KNTC1: variants seen among roughly 807,000 people sequenced by gnomAD.
KNTC1 encodes the protein kinetochore associated 1.
Under a neutral mutation model 314.4 loss-of-function variants are expected in KNTC1, and 253 were observed. The ratio of observed to expected loss-of-function variants is 0.80; its 90% confidence interval spans 0.73 to 0.89. KNTC1 has a LOEUF of 0.89. Among genes scored for constraint, KNTC1 ranks in the 40% least tolerant of loss-of-function variants. The pLI, the probability that KNTC1 is intolerant of heterozygous loss-of-function variation, is 0.00. For synonymous variants in KNTC1, 901 were observed against 901.4 expected, an observed-to-expected ratio of 1.00 and a Z score of 0.01; for missense variants, 2,475 against 2,572.9, an observed-to-expected ratio of 0.96 and a Z score of 0.82.
Position 122,589,592 on chromosome 12 carries a change from C to T in KNTC1, c.3999+776C>T, listed in dbSNP as rs1869862513. Among the ~76,000 whole-genome samples the T allele has an allele frequency of 1.3e-5, 2 of 151,388 alleles. 1 individual carries two copies. The highest frequency in any genetic ancestry group is 4.2e-4 in the South Asian group (2 of 4,806). On this transcript the variant is annotated intron_variant, in intron 40 of 63. Coordinates refer to ENST00000333479, the MANE Select transcript of KNTC1 (RefSeq NM_014708.6). ...CTCAAGCAACCCTCCTGCTGCTCAG[C>T]CTCCTGAGTATCTGGGGCTGCTGGT...
At chr12:122,574,500 G>A (rs542877185) in intron 27 of KNTC1, 120 bp downstream of exon 27, 144 of 621,570 alleles carry the variant, frequency 2.3e-4, no homozygotes, top group Non-Finnish European at 3.4e-4. Flanking sequence ...TGGCTGTGTC[G>A]CCCAGGCTGG....
chr12:122,533,676 G>T (rs1180935103), intron 2 of KNTC1, among the ~76,000 whole-genome samples: 1 of 152,132 alleles, frequency 6.6e-6, no homozygotes, highest in African/African-American at 2.4e-5. Context: ...CAACCTGAGC[G>T]ACAGAGGGAG....
chr12:122,592,045 C>T (rs1024839341), intron 42 of KNTC1, among the ~76,000 whole-genome samples: 9 of 152,288 alleles, frequency 5.9e-5, no homozygotes, highest in Admixed American at 3.3e-4. Flanking sequence ...AGCAGGAACC[C>T]GGGCTGCGCA....
rs533736858 is a variant in KNTC1, at chr12:122,555,987, G to C, written c.1273-1397G>C. Among the ~76,000 whole-genome samples, 3 of 151,902 alleles carry C rather than the reference G, an allele frequency of 2.0e-5. No individual in the cohort carries two copies. In the East Asian group the frequency reaches 5.8e-4, roughly 29 times the overall value. The stretch of plus-strand genomic sequence containing the variant: ...TATCACCTCACTTATCTTTTTTTGT[G>C]GTGAGAACATTTAAAACCTACTCTT... On this transcript the variant is annotated intron_variant, in intron 16 of 63. Coordinates refer to ENST00000333479, the MANE Select transcript of KNTC1 (RefSeq NM_014708.6).
chr12:122,598,554 G>A (rs1472266403), intron 44 of KNTC1, among the ~76,000 whole-genome samples: 3 of 150,104 alleles, frequency 2.0e-5, no homozygotes, highest in African/African-American at 7.4e-5. Flanking sequence ...CCGAATAGCT[G>A]GAATTACAGG....
At chr12:122,557,940 T>G (rs778069466) in intron 18 of KNTC1, among the ~76,000 whole-genome samples, 1 of 152,176 alleles carries the variant, frequency 6.6e-6, no homozygotes, top group Non-Finnish European at 1.5e-5. Context: ...TTAGAACTTT[T>G]AAATCTCCCC....
intron 27 of KNTC1, 136 bp from the exon 28 acceptor site, chr12:122,575,407 G>A (rs1379365647): frequency 3.1e-6 from 2 of 638,256 alleles, no homozygotes; most frequent in Non-Finnish European, 5.6e-6. Context: ...GAAATAAATG[G>A]TTTTCCAGTG....
rs780831509 is a variant in KNTC1 at position 122,572,925 on chromosome 12, CT to C, written c.2020-8del. 3 of 1,526,858 alleles carry C rather than the reference CT, an allele frequency of 2.0e-6. No individual in the cohort carries two copies. Among genetic ancestry groups the C allele is most frequent in the Admixed American group, 2.0e-5 (1 of 50,900 alleles). 94.6% of individuals were successfully genotyped at this position (1,526,858 alleles called of 1,614,324 possible). A position where few individuals can be genotyped will look rare whatever the true frequency, so the allele number is the denominator to read the frequency against. ...TTTTATATCGTTAACAACTTTAACACTTTTGTTTTAGAAAGATTATCAGAAC... is the reference window on the plus strand; with the variant it reads ...TTTTATATCGTTAACAACTTTAACACTTTGTTTTAGAAAGATTATCAGAAC... On this transcript the variant is annotated splice_polypyrimidine_tract_variant and intron_variant, in intron 24 of 63. Transcript: ENST00000333479.
In KNTC1 at chr12:122,544,248, T is replaced by G; in HGVS notation, c.648T>G (p.Ser216Arg). Residue 216 changes from serine to arginine, a missense_variant, in exon 8 of 64, where the codon AGT becomes AGG. Ser to Arg is a moderately radical substitution (Grantham distance 110). Transcript: ENST00000333479. ...CLSLVAGDLA[S>R]EVPVIIGGTG... ...GTCTTGTGGCTGGAGATTTAGCAAGTGAAGTTCCTGTGATAATTGGGGTAA... is the reference window on the plus strand; with the variant it reads ...GTCTTGTGGCTGGAGATTTAGCAAGGGAAGTTCCTGTGATAATTGGGGTAA... 1 of 1,566,138 alleles carries G rather than the reference T, an allele frequency of 6.4e-7. No individual in the cohort carries two copies. The highest frequency in any genetic ancestry group is 8.7e-7 in the Non-Finnish European group (1 of 1,153,268).
intron 40 of KNTC1, 123 bp from the exon 41 acceptor site, chr12:122,590,484 A>T: frequency 1.0e-6 from 1 of 981,000 alleles, no homozygotes; most frequent in African/African-American, 1.7e-5. Context: ...TTTTCTTTAA[A>T]AAGTTTTTTT....
chr12:122,602,878 A>T lies in KNTC1; in HGVS notation c.4875A>T (p.Lys1625Asn). 6.2e-7 allele frequency: 1 copy of T among 1,606,926 alleles called. No homozygotes were observed. The highest frequency in any genetic ancestry group is 8.5e-7 in the Non-Finnish European group (1 of 1,173,764). The change falls in exon 47 of 64, where the codon AAA becomes AAT. Residue 1625 changes from lysine to asparagine, a missense_variant. Lys to Asn is a moderately conservative substitution (Grantham distance 94). Coordinates refer to ENST00000333479, the MANE Select transcript of KNTC1 (RefSeq NM_014708.6). ...ESFPTLLLISKLMKFSLDTLY... is the reference protein window; with the variant it reads ...ESFPTLLLISNLMKFSLDTLY... ...TCCCAACATTGCTCTTAATTTCGAA[A>T]TTAATGAAGGTAATGGATTAAAACA...
intron 60 of KNTC1, among the ~76,000 whole-genome samples, 175 bp downstream of exon 60, chr12:122,620,783 G>A (rs1874344856): frequency 6.6e-6 from 1 of 152,184 alleles, no homozygotes; most frequent in Non-Finnish European, 1.5e-5. Flanking sequence ...ATAGATTAAG[G>A]TCCAGCTGAG....
In KNTC1 at chr12:122,594,346, A is replaced by G. The variant is rs1870738192; in HGVS notation, c.4316A>G (p.Asn1439Ser). The part of the protein sequence containing the change: ...KKDLIKALVE[N>S]IDMDTSLILE... Reference sequence around the variant, plus strand: ...GACCTCATTAAAGCTCTTGTGGAGAATATAGATATGGACACAAGCCTCATT... The same window carrying G: ...GACCTCATTAAAGCTCTTGTGGAGAGTATAGATATGGACACAAGCCTCATT... Residue 1439 changes from asparagine (N) to serine (S), a missense_variant, in exon 43 of 64, where the codon AAT becomes AGT. Transcript: ENST00000333479. 6.2e-7 allele frequency: 1 copy of G among 1,607,884 alleles called. No individual in the cohort carries two copies. The highest frequency in any genetic ancestry group is 8.5e-7 in the Non-Finnish European group (1 of 1,174,672).
intron 33 of KNTC1, 115 bp from the exon 34 acceptor site, chr12:122,582,590 A>C: frequency 1.1e-6 from 1 of 929,854 alleles, no homozygotes; most frequent in Non-Finnish European, 1.6e-6. Context: ...CCAGACATGT[A>C]CCCCTGAATC....
At chr12:122,546,088 AC>A (rs1416577545) in intron 8 of KNTC1, 87 bp from the exon 9 acceptor site, 4 of 727,064 alleles carry the variant, frequency 5.5e-6, no homozygotes, top group African/African-American at 1.8e-5. Flanking sequence ...AAAATTAGTA[AC>A]CTATAAAACT....
chr12:122,560,904 G>A (rs1963923172), intron 18 of KNTC1, among the ~76,000 whole-genome samples: 1 of 152,222 alleles, frequency 6.6e-6, no homozygotes, highest in Non-Finnish European at 1.5e-5. Flanking sequence ...AAAGTGTTGG[G>A]ATTGGGCCAA....
intron 59 of KNTC1, 113 bp from the exon 60 acceptor site, chr12:122,620,366 G>A (rs763932441): frequency 3.2e-5 from 28 of 868,428 alleles, no homozygotes; most frequent in Non-Finnish European, 4.5e-5. Context: ...CAGCACTTTA[G>A]TGTTTAAAAT....
intron 1 of KNTC1, chr12:122,527,682 G>A (rs532357226): frequency 1.3e-5 from 2 of 152,288 alleles, no homozygotes; most frequent in African/African-American, 4.8e-5. Flanking sequence ...TGAGGTCGAG[G>A]TTTTATTGGA....
intron 61 of KNTC1, 135 bp from the exon 62 acceptor site, chr12:122,622,327 C>A: frequency 1.3e-6 from 1 of 768,332 alleles, no homozygotes; most frequent in Non-Finnish European, 2.1e-6. Flanking sequence ...AGTCACAATG[C>A]AGTGCTAATT....
Sources: gnomAD v4.1 joint callset for allele counts (sites outside exome capture counted in the v4.1 genomes callset) on GRCh38, gnomAD v4.1.1 for gene constraint, MANE v1.5 for transcripts, NCBI Gene and HGNC (gene_info 2026-07-23, HGNC 2026-07-21) for gene names.